Variants in ACTN4 observed in about 807,000 individuals in gnomAD.
ACTN4 encodes actinin alpha 4.
In ACTN4, 18 loss-of-function variants were observed where a neutral mutation model predicts 114.2. That is an observed-to-expected ratio of 0.16 (90% confidence interval 0.11 to 0.23). ACTN4 has a LOEUF of 0.23. Ranked by LOEUF, ACTN4 falls within the 10% of genes least tolerant of loss-of-function variation. ACTN4 has a pLI of 1.00. For synonymous variants in ACTN4, 515 were observed against 506.3 expected (o/e 1.02, Z -0.23); for missense variants, 722 against 1,262.9 (o/e 0.57, Z 6.49).
intron 4 of ACTN4, among the ~76,000 whole-genome samples, chr19:38,705,823 C>T (rs987479832): frequency 6.6e-6 from 1 of 152,218 alleles, no homozygotes; most frequent in Non-Finnish European, 1.5e-5. Flanking sequence ...GAGGATTAAG[C>T]AGGGCCGTGT....
At chr19:38,700,952 C>T (rs776298233) in intron 2 of ACTN4, 50 bp from the exon 3 acceptor site, 12 of 1,607,042 alleles carry the variant, frequency 7.5e-6, no homozygotes, top group Non-Finnish European at 1.0e-5. Context: ...CCCTCTCTCC[C>T]TTTCTCTCTC....
chr19:38,730,276 G>C lies in ACTN4; in HGVS notation c.*844G>C, dbSNP rs1049150087. On this transcript the variant is annotated 3_prime_UTR_variant, in exon 21 of 21. Transcript: ENST00000252699. ...GCAACATATCTCTGCCGTCTCTCCT[G>C]CTCTCATAATGAAGACATAGCCGAT... The C allele has an allele frequency of 6.2e-6, 1 of 161,742 alleles. No individual in the cohort carries two copies. Among genetic ancestry groups the C allele is most frequent in the Non-Finnish European group, 1.4e-5 (1 of 73,528 alleles). 10.0% of individuals were successfully genotyped at this position (161,742 alleles called of 1,614,324 possible).
In ACTN4 at chr19:38,673,508, A is replaced by ATATATAC. The variant is rs1555826143; in HGVS notation, c.162+25601_162+25602insTATATAC. On this transcript the variant is annotated intron_variant, in intron 1 of 20. Transcript: ENST00000252699. ...ATATTCATATATATTTATATATATG[A>ATATATAC]ATATATATTTATATATATTCATATA... 6.1e-5 allele frequency among the ~76,000 whole-genome samples: 4 copies of ATATATAC among 65,172 alleles called. No homozygotes were observed. In the Admixed American group the frequency reaches 7.6e-4, roughly 12 times the overall value. The allele number at this position is 65,172 out of a possible 152,430, so 42.8% of individuals were successfully genotyped here. A position where few individuals can be genotyped will look rare whatever the true frequency, so the allele number is the denominator to read the frequency against.
Position 38,730,505 on chromosome 19 carries a change from T to A in ACTN4, c.*1073T>A. ...AAACCACCCTCTGGGGACAGGATAATAAAACATGTAATATTTTTAAGAAGG... is the reference window on the plus strand; with the variant it reads ...AAACCACCCTCTGGGGACAGGATAAAAAAACATGTAATATTTTTAAGAAGG... On this transcript the variant is annotated 3_prime_UTR_variant, in exon 21 of 21. Transcript: ENST00000252699. 1 of 343,234 alleles carries A rather than the reference T, an allele frequency of 2.9e-6. No individual in the cohort carries two copies. The highest frequency in any genetic ancestry group is 5.4e-6 in the Non-Finnish European group (1 of 183,716). 21.3% of individuals were successfully genotyped at this position (343,234 alleles called of 1,614,324 possible).
At chr19:38,676,844 G>A (rs868758287) in intron 1 of ACTN4, among the ~76,000 whole-genome samples, 8 of 152,136 alleles carry the variant, frequency 5.3e-5, no homozygotes, top group Non-Finnish European at 5.9e-5. Context: ...AACAGCTCCT[G>A]GCGGGTTTCC....
rs372573302 is a variant in ACTN4 at position 38,722,269 on chromosome 19, G to A, written c.1442+581G>A. ...CCAGTGCAGCGGCCAGCAGCAGGGC[G>A]GGCCCAGGCAGCAGGAGGCCCAGGC... On this transcript the variant is annotated intron_variant, in intron 12 of 20. Coordinates refer to ENST00000252699, the MANE Select transcript of ACTN4 (RefSeq NM_004924.6). 8.5e-5 allele frequency among the ~76,000 whole-genome samples: 13 copies of A among 152,264 alleles called. No individual in the cohort carries two copies. The East Asian group carries it at 1.7e-3, about 20-fold the overall frequency.
chr19:38,679,770 A>G (rs866811004), intron 1 of ACTN4, among the ~76,000 whole-genome samples: 1 of 152,064 alleles, frequency 6.6e-6, no homozygotes. Context: ...TGCTGGGATT[A>G]CAAGTGTGAG....
intron 1 of ACTN4, among the ~76,000 whole-genome samples, chr19:38,652,033 CTTGTTTTTCTTGAAGTAG>C (rs1976578942): frequency 6.6e-6 from 1 of 152,146 alleles, no homozygotes; most frequent in African/African-American, 2.4e-5. Flanking sequence ...TGTGCCCTGC[CTTGTTTTTCTTGAAGTAG>C]ATCTTTTTTT....
chr19:38,715,109 G>A (rs1161888999), intron 9 of ACTN4, among the ~76,000 whole-genome samples: 2 of 152,218 alleles, frequency 1.3e-5, no homozygotes, highest in Non-Finnish European at 2.9e-5. Flanking sequence ...AGGCAGCCCT[G>A]CTCTAGAGTC....
intron 1 of ACTN4, among the ~76,000 whole-genome samples, chr19:38,665,351 T>C (rs1044998784): frequency 6.6e-6 from 1 of 152,094 alleles, no homozygotes; most frequent in East Asian, 1.9e-4. Flanking sequence ...CATCCTATCC[T>C]CAGTTTGAGG....
At chr19:38,668,957 C>A (rs1308459874) in intron 1 of ACTN4, among the ~76,000 whole-genome samples, 1 of 152,082 alleles carries the variant, frequency 6.6e-6, no homozygotes, top group Non-Finnish European at 1.5e-5. Context: ...GTTTCGTAGG[C>A]TCCCCAGGGC....
chr19:38,721,220 C>T lies in ACTN4; in HGVS notation c.1292-318C>T, dbSNP rs763635773. ...AGAAACAGGTGCTACCTTTCTAAGCCGTGCTACCACGGCCCGATTTGTATG... is the reference window on the plus strand; with the variant it reads ...AGAAACAGGTGCTACCTTTCTAAGCTGTGCTACCACGGCCCGATTTGTATG... On this transcript the variant is annotated intron_variant, in intron 11 of 20. Coordinates refer to ENST00000252699, the MANE Select transcript of ACTN4 (RefSeq NM_004924.6). Among the ~76,000 whole-genome samples, 11 of 152,184 alleles carry T rather than the reference C, an allele frequency of 7.2e-5. No individual in the cohort carries two copies. In the South Asian group the frequency reaches 8.3e-4, roughly 11 times the overall value.
intron 3 of ACTN4, among the ~76,000 whole-genome samples, chr19:38,701,957 A>G (rs887992890): frequency 5.9e-5 from 9 of 152,206 alleles, no homozygotes. Context: ...GCTGAGTTCC[A>G]AGGCTCTGCC....
intron 1 of ACTN4, among the ~76,000 whole-genome samples, chr19:38,695,009 G>A (rs1450229071): frequency 6.6e-6 from 1 of 152,104 alleles, no homozygotes; most frequent in African/African-American, 2.4e-5. Flanking sequence ...CGAGTAGCTG[G>A]GACTACAGGC....
chr19:38,721,942 C>T (rs1007507397), intron 12 of ACTN4: 4 of 580,686 alleles, frequency 6.9e-6, no homozygotes, highest in Non-Finnish European at 1.2e-5. Flanking sequence ...GGCCCCTTGT[C>T]TTGATTCTTC....
intron 17 of ACTN4, 48 bp from the exon 18 acceptor site, chr19:38,726,900 CACGGTGAGG>C (rs1372247734): frequency 4.3e-6 from 7 of 1,609,944 alleles, no homozygotes; most frequent in South Asian, 3.3e-5. Flanking sequence ...ACGTGTGAAC[CACGGTGAGG>C]ACAGTTCACA....
chr19:38,667,037 C>T (rs1966983874), intron 1 of ACTN4, among the ~76,000 whole-genome samples: 1 of 152,102 alleles, frequency 6.6e-6, no homozygotes, highest in Non-Finnish European at 1.5e-5. Context: ...ATATCTAATT[C>T]TTTAGCTTGT....
chr19:38,700,782 G>A (rs1968246260), intron 2 of ACTN4, 68 bp downstream of exon 2: 4 of 1,482,576 alleles, frequency 2.7e-6, no homozygotes, highest in African/African-American at 2.8e-5. Context: ...GGTCCCCAGA[G>A]ACCCTGCCCA....
chr19:38,659,373 T>TA, intron 1 of ACTN4, among the ~76,000 whole-genome samples: 1 of 152,166 alleles, frequency 6.6e-6, no homozygotes, highest in East Asian at 1.9e-4. Context: ...TAACTTTCAT[T>TA]AACACTGATG....
Sources: allele counts gnomAD v4.1 joint callset (sites outside exome capture counted in the v4.1 genomes callset), GRCh38; gene constraint gnomAD v4.1.1; transcripts MANE v1.5; gene names NCBI Gene and HGNC (gene_info 2026-07-23, HGNC 2026-07-21).